Variants in ENTREP2 observed in about 807,000 individuals in gnomAD.
The protein encoded by ENTREP2 is endosomal transmembrane epsin interactor 2.
At chr15:29,637,201 G>GTTA in the ENTREP2 span, among the ~76,000 whole-genome samples, 1 of 152,172 alleles carries the variant, frequency 6.6e-6, no homozygotes, top group Non-Finnish European at 1.5e-5. Flanking sequence ...CCTTGAGAAA[G>GTTA]CCAGCCCCTG....
the ENTREP2 span, among the ~76,000 whole-genome samples, chr15:29,617,494 T>G: frequency 1.6e-4 from 24 of 152,200 alleles, no homozygotes; most frequent in Admixed American, 3.3e-4. Flanking sequence ...CTACAGGCCA[T>G]CTGGGCATCC....
chr15:29,145,283 G>A, the ENTREP2 span, among the ~76,000 whole-genome samples: 11 of 152,240 alleles, frequency 7.2e-5, no homozygotes, highest in South Asian at 2.3e-3. Context: ...CATCTCAATA[G>A]ATGCAGAAAA....
the ENTREP2 span, among the ~76,000 whole-genome samples, chr15:29,491,408 A>G: frequency 0.041 from 6,169 of 152,296 alleles, 401 homozygotes; most frequent in African/African-American, 0.14. Context: ...GCGAGCGAGC[A>G]CTGCTAGCAC....
chr15:29,124,089 C>A, the ENTREP2 span, among the ~76,000 whole-genome samples: 2 of 152,118 alleles, frequency 1.3e-5, no homozygotes, highest in Non-Finnish European at 2.9e-5. Flanking sequence ...TGAGACCGCC[C>A]CCCCCATCAT....
chr15:29,559,162 G>A, the ENTREP2 span, among the ~76,000 whole-genome samples: 181 of 152,082 alleles, frequency 1.2e-3, 2 homozygotes, highest in Non-Finnish European at 5.9e-4. Context: ...TTAGAATCGC[G>A]TCTGGCAAAA....
chr15:29,629,402 TGG>T, the ENTREP2 span, among the ~76,000 whole-genome samples: 1 of 152,226 alleles, frequency 6.6e-6, no homozygotes, highest in African/African-American at 2.4e-5. Context: ...TGATTTCTTG[TGG>T]ATTACCTGAA....
the ENTREP2 span, among the ~76,000 whole-genome samples, chr15:29,344,878 AGGTAAACTCAT>A: frequency 6.6e-6 from 1 of 151,922 alleles, no homozygotes; most frequent in African/African-American, 2.4e-5. Context: ...TTATAGAGCC[AGGTAAACTCAT>A]GGTGAGGAGT....
At chr15:29,132,663 C>T in the ENTREP2 span, among the ~76,000 whole-genome samples, 1 of 152,198 alleles carries the variant, frequency 6.6e-6, no homozygotes, top group Non-Finnish European at 1.5e-5. Context: ...AGATCCCTTC[C>T]AATATATTCT....
At chr15:29,191,826 A>T in the ENTREP2 span, among the ~76,000 whole-genome samples, 1 of 152,126 alleles carries the variant, frequency 6.6e-6, no homozygotes, top group Non-Finnish European at 1.5e-5. Context: ...AGGTGGGAGG[A>T]TCTCTTGGGC....
chr15:29,134,739 C>T, the ENTREP2 span, among the ~76,000 whole-genome samples: 1 of 152,202 alleles, frequency 6.6e-6, no homozygotes, highest in Non-Finnish European at 1.5e-5. Context: ...CCTCCACCCA[C>T]AGAAGCTCCT....
the ENTREP2 span, among the ~76,000 whole-genome samples, chr15:29,572,656 A>C: frequency 6.6e-6 from 1 of 152,072 alleles, no homozygotes; most frequent in African/African-American, 2.4e-5. Flanking sequence ...TTAGTGAATT[A>C]CAGTTTATTG....
At chr15:29,374,574 T>G in the ENTREP2 span, 1 of 152,044 alleles carries the variant, frequency 6.6e-6, no homozygotes, top group Non-Finnish European at 1.5e-5. Context: ...TTTTTTCCTA[T>G]TTTTGGTTCT....
At chr15:29,418,962 A>T in the ENTREP2 span, among the ~76,000 whole-genome samples, 1 of 152,224 alleles carries the variant, frequency 6.6e-6, no homozygotes, top group African/African-American at 2.4e-5. Flanking sequence ...TTAAATTTTA[A>T]CAAAAAGCCA....
At chr15:29,296,253 TG>T in the ENTREP2 span, among the ~76,000 whole-genome samples, 22 of 152,088 alleles carry the variant, frequency 1.4e-4, no homozygotes, top group Non-Finnish European at 2.6e-4. Flanking sequence ...AAAGAGATGA[TG>T]GTGGCTTGGA....
At chr15:29,432,713 G>T in the ENTREP2 span, among the ~76,000 whole-genome samples, 1 of 152,258 alleles carries the variant, frequency 6.6e-6, no homozygotes, top group African/African-American at 2.4e-5. Flanking sequence ...CACCTACAGG[G>T]CCTGGCAGAC....
chr15:29,657,200 A>C, the ENTREP2 span, among the ~76,000 whole-genome samples: 2 of 147,844 alleles, frequency 1.4e-5, no homozygotes, highest in Non-Finnish European at 3.0e-5. Flanking sequence ...CGCGCCCACC[A>C]CCACGCCGCG....
At chr15:29,546,791 G>A in the ENTREP2 span, among the ~76,000 whole-genome samples, 2 of 151,304 alleles carry the variant, frequency 1.3e-5, no homozygotes, top group African/African-American at 4.9e-5. Context: ...GGAGGCTGAG[G>A]CAGAAGAATG....
the ENTREP2 span, among the ~76,000 whole-genome samples, chr15:29,526,695 C>T: frequency 6.6e-6 from 1 of 151,920 alleles, no homozygotes; most frequent in Non-Finnish European, 1.5e-5. Flanking sequence ...GTCTCAAACT[C>T]CTGGGCCATA....
chr15:29,431,174 C>T, the ENTREP2 span, among the ~76,000 whole-genome samples: 1 of 152,090 alleles, frequency 6.6e-6, no homozygotes, highest in Non-Finnish European at 1.5e-5. Flanking sequence ...TACCAGTGGC[C>T]GGGTTACGTA....
Sources: gnomAD v4.1 joint callset for allele counts (sites outside exome capture counted in the v4.1 genomes callset) on GRCh38, gnomAD v4.1.1 for gene constraint, MANE v1.5 for transcripts, NCBI Gene and HGNC (gene_info 2026-07-23, HGNC 2026-07-21) for gene names.